The following TGM5 variants were observed in gnomAD, a reference collection of about 807,000 sequenced individuals.
TGM5 encodes transglutaminase 5, also known as protein-glutamine gamma-glutamyltransferase 5.
Under a neutral mutation model 77.2 loss-of-function variants are expected in TGM5, and 69 were observed. The ratio of observed to expected loss-of-function variants is 0.89; its 90% CI spans 0.74 to 1.09. TGM5 has a LOEUF of 1.09. TGM5 is among the 50% of genes least tolerant of loss of function. The pLI is 0.00. For synonymous variants in TGM5, 346 were observed against 351.8 expected (o/e 0.98, Z 0.18); for missense variants, 842 against 896.5 (o/e 0.94, Z 0.78).
At chr15:43,257,408 C>T (rs2042749777) in intron 3 of TGM5, among the ~76,000 whole-genome samples, 1 of 152,202 alleles carries the variant, frequency 6.6e-6, no homozygotes, top group East Asian at 1.9e-4. Context: ...AATTTTTATA[C>T]ATATACACAT....
intron 6 of TGM5, chr15:43,241,232 T>C (rs2042634018): frequency 1.8e-6 from 1 of 565,800 alleles, no homozygotes; most frequent in Non-Finnish European, 3.2e-6. Context: ...CCTGAGCCAG[T>C]AAAGTCTAGC....
At position 43,261,089 on chromosome 15, in the gene TGM5, T is replaced by G. The variant is rs865813094; in HGVS notation, c.11-510A>C. 4.3e-3 allele frequency among the ~76,000 whole-genome samples: 518 copies of G among 119,252 alleles called. 23 individuals carry two copies. The highest frequency in any genetic ancestry group is 0.013 in the African/African-American group (381 of 29,446). The allele number at this position is 119,252 out of a possible 152,430, so 78.2% of individuals were successfully genotyped here. A position where few individuals can be genotyped will look rare whatever the true frequency, so the allele number is the denominator to read the frequency against. Reference sequence around the variant, plus strand: ...TTTTGTGTGTGTGTTTTTTTTTTTTTTTTTTTTTTTTTTTTTTTGAGACAG... The same window carrying G: ...TTTTGTGTGTGTGTTTTTTTTTTTTGTTTTTTTTTTTTTTTTTTGAGACAG... On this transcript the variant is annotated intron_variant, in intron 1 of 12. Transcript: ENST00000220420.
At chr15:43,263,313 C>A (rs1388431118) in intron 1 of TGM5, among the ~76,000 whole-genome samples, 1 of 152,230 alleles carries the variant, frequency 6.6e-6, no homozygotes, top group Admixed American at 6.5e-5. Context: ...AAAATCCCAA[C>A]AGCCATTTTG....
intron 6 of TGM5, among the ~76,000 whole-genome samples, chr15:43,247,489 G>A (rs1156656850): frequency 1.3e-5 from 2 of 151,494 alleles, no homozygotes. Flanking sequence ...TAAAATAGAA[G>A]TTGAAATTAT....
At chr15:43,262,642 G>A (rs924412436) in intron 1 of TGM5, among the ~76,000 whole-genome samples, 5 of 152,130 alleles carry the variant, frequency 3.3e-5, no homozygotes, top group Non-Finnish European at 7.3e-5. Context: ...AAAGTTAGCC[G>A]GGCGTGGTGG....
intron 3 of TGM5, among the ~76,000 whole-genome samples, chr15:43,258,959 T>C (rs1369615394): frequency 6.6e-6 from 1 of 152,118 alleles, no homozygotes; most frequent in Non-Finnish European, 1.5e-5. Context: ...GGGTGAGCAT[T>C]CTCAGCCATT....
At position 43,233,344 on chromosome 15, in the gene TGM5, G is replaced by C. The variant is rs372896864; in HGVS notation, c.2010C>G (p.Phe670Leu). 7 of 1,613,438 alleles carry C rather than the reference G, an allele frequency of 4.3e-6. No individual in the cohort carries two copies. The highest frequency in any genetic ancestry group is 4.0e-5 in the African/African-American group (3 of 74,872). The change falls in exon 13 of 13, where the codon TTC becomes TTG. Residue 670 changes from phenylalanine (F) to leucine (L), a missense_variant and splice_region_variant. Transcript: ENST00000220420. ...GGTGTTGGGGTTTGAGGACTCCAAG[G>C]CTGCAACAGAGAATGGAGCATGTCA... is the stretch of plus-strand genomic sequence containing the variant. ...SGLFKKQQKV[F>L]LGVLKPQHQA...
At chr15:43,244,704 A>G (rs2042659417) in intron 6 of TGM5, among the ~76,000 whole-genome samples, 1 of 152,238 alleles carries the variant, frequency 6.6e-6, no homozygotes, top group African/African-American at 2.4e-5. Flanking sequence ...AAAATGAAAG[A>G]CATTCCTGCC....
At chr15:43,256,265 A>G (rs1026155236) in intron 4 of TGM5, among the ~76,000 whole-genome samples, 1 of 152,178 alleles carries the variant, frequency 6.6e-6, no homozygotes, top group East Asian at 1.9e-4. Context: ...GGGCATCATC[A>G]CTGCTGTGAT....
intron 3 of TGM5, 106 bp downstream of exon 3, chr15:43,259,946 G>A: frequency 6.5e-7 from 1 of 1,531,804 alleles, no homozygotes. Flanking sequence ...GGGAATTGAG[G>A]AGGCTCTGGG....
At chr15:43,253,681 G>T in intron 4 of TGM5, 47 bp from the exon 5 acceptor site, 1 of 1,605,512 alleles carries the variant, frequency 6.2e-7, no homozygotes, top group Non-Finnish European at 8.5e-7. Flanking sequence ...CTTGTCACGT[G>T]GGAGTATGTA....
At chr15:43,258,635 A>C (rs966388794) in intron 3 of TGM5, among the ~76,000 whole-genome samples, 17 of 152,152 alleles carry the variant, frequency 1.1e-4, no homozygotes, top group African/African-American at 3.9e-4. Flanking sequence ...TTCATGGTTG[A>C]GACCACACAG....
At chr15:43,245,938 C>T (rs1221261906) in intron 6 of TGM5, among the ~76,000 whole-genome samples, 1 of 151,392 alleles carries the variant, frequency 6.6e-6, no homozygotes, top group Non-Finnish European at 1.5e-5. Context: ...GGCCCCTTCA[C>T]AATGAGCACT....
At chr15:43,248,840 C>T (rs1242553618) in intron 6 of TGM5, among the ~76,000 whole-genome samples, 2 of 152,098 alleles carry the variant, frequency 1.3e-5, no homozygotes, top group East Asian at 1.9e-4. Flanking sequence ...AGATGAGATA[C>T]GTTTTAAAGG....
In TGM5 at chr15:43,253,574, T is replaced by C. The variant is rs1426148880; in HGVS notation, c.616A>G (p.Thr206Ala). The change falls in exon 5 of 13, where the codon ACT becomes GCT. Residue 206 changes from threonine (T) to alanine (A), a missense_variant. Thr to Ala is a moderately conservative substitution (Grantham distance 58). This residue lies in a region of TGM5 where 815 missense variants were observed against 844.6 expected (regional missense o/e 0.96). Coordinates refer to ENST00000220420, the MANE Select transcript of TGM5 (RefSeq NM_201631.4). ...AGAGCACAGTCTGTGGCTGGGTCAGTCTGGAAGTGCAGGCTCTTGTCTAGC... is the reference window on the plus strand; with the variant it reads ...AGAGCACAGTCTGTGGCTGGGTCAGCCTGGAAGTGCAGGCTCTTGTCTAGC... ...KLLDKSLHFQ[T>A]DPATDCALRG... 1 of 1,613,754 alleles carries C rather than the reference T, an allele frequency of 6.2e-7. No individual in the cohort carries two copies. Among genetic ancestry groups the C allele is most frequent in the African/African-American group, 1.3e-5 (1 of 74,918 alleles).
chr15:43,248,293 C>T (rs969992755), intron 6 of TGM5, among the ~76,000 whole-genome samples: 6 of 152,164 alleles, frequency 3.9e-5, no homozygotes, highest in Non-Finnish European at 7.3e-5. Context: ...CTGCCTCAGC[C>T]TCCTGATTAG....
chr15:43,235,752 C>T lies in TGM5; in HGVS notation c.1431G>A (p.Glu477=), dbSNP rs758242027. The change falls in exon 10 of 13, where the codon GAG becomes GAA. Residue 477 remains glutamate, a synonymous_variant. Transcript: ENST00000220420. ...RSFHGSQRGA[E]LQPSRPTSLS... is the part of the protein sequence containing the mutation. Reference sequence around the variant, plus strand: ...GTGATGTGGGCCTGGAAGGTTGCAACTCTGCTCCTCTTTGGGAGCCATGGA... The same window carrying T: ...GTGATGTGGGCCTGGAAGGTTGCAATTCTGCTCCTCTTTGGGAGCCATGGA... 15 of 1,614,076 alleles carry T rather than the reference C, an allele frequency of 9.3e-6. No homozygotes were observed. The Admixed American group carries it at 1.7e-4, about 18-fold the overall frequency.
At chr15:43,248,291 G>C (rs1481580328) in intron 6 of TGM5, among the ~76,000 whole-genome samples, 1 of 152,074 alleles carries the variant, frequency 6.6e-6, no homozygotes, top group Non-Finnish European at 1.5e-5. Context: ...TCCTGCCTCA[G>C]CCTCCTGATT....
chr15:43,235,442 G>A lies in TGM5; in HGVS notation c.1714+27C>T, dbSNP rs769839326. On this transcript the variant is annotated intron_variant, in intron 10 of 12. Coordinates refer to ENST00000220420, the MANE Select transcript of TGM5 (RefSeq NM_201631.4). ...CACTGACATTGCCAAAACCAACTCTGCGTACACAAACTGTGCACATGCGTA... is the reference window on the plus strand; with the variant it reads ...CACTGACATTGCCAAAACCAACTCTACGTACACAAACTGTGCACATGCGTA... The A allele has an allele frequency of 7.4e-6, 12 of 1,613,934 alleles. No homozygotes were observed. The Admixed American group carries it at 1.8e-4, about 25-fold the overall frequency.
Sources: gnomAD v4.1 joint callset for allele counts (sites outside exome capture counted in the v4.1 genomes callset) on GRCh38, gnomAD v4.1.1 for gene constraint, gnomAD v4.1.1 regional missense constraint, MANE v1.5 for transcripts, NCBI Gene and HGNC (gene_info 2026-07-23, HGNC 2026-07-21) for gene names.